The following ST6GAL1 variants were observed in gnomAD, a reference collection of about 807,000 sequenced individuals.
ST6GAL1 encodes the protein ST6 beta-galactoside alpha-2,6-sialyltransferase 1.
ST6GAL1 carries 20 observed loss-of-function variants against 38.0 expected under a neutral mutation model. The observed-to-expected ratio is 0.53, with a 90% CI of 0.37 to 0.77. ST6GAL1 has a LOEUF of 0.77. ST6GAL1 is among the 30% of genes least tolerant of loss of function. ST6GAL1 has a pLI of 0.00. For missense variants in ST6GAL1, 432 were observed against 496.4 expected (o/e 0.87, Z 1.23); for synonymous variants, 196 against 188.2 (o/e 1.04, Z -0.34).
At chr3:187,004,608 T>TA (rs1181725134) in intron 2 of ST6GAL1, among the ~76,000 whole-genome samples, 6 of 152,220 alleles carry the variant, frequency 3.9e-5, no homozygotes, top group Admixed American at 2.6e-4. Flanking sequence ...AATGATGTCC[T>TA]GTTAGCTTAT....
At chr3:187,061,566 G>T (rs548864186) in intron 5 of ST6GAL1, among the ~76,000 whole-genome samples, 3 of 152,162 alleles carry the variant, frequency 2.0e-5, no homozygotes, top group Non-Finnish European at 1.5e-5. Context: ...ATAAAGTCTT[G>T]TATATATGTG....
At chr3:186,949,443 C>T (rs1714502210) in intron 1 of ST6GAL1, among the ~76,000 whole-genome samples, 1 of 152,180 alleles carries the variant, frequency 6.6e-6, no homozygotes. Context: ...GAAGATGATT[C>T]CTGCCAGAGG....
chr3:186,976,817 G>T (rs1237647759), intron 2 of ST6GAL1, among the ~76,000 whole-genome samples: 1 of 152,196 alleles, frequency 6.6e-6, no homozygotes. Flanking sequence ...TGAATGGCTT[G>T]CTTACCTTTG....
In ST6GAL1 at chr3:187,052,405, G is replaced by A. The variant is rs528924314; in HGVS notation, c.705+1059G>A. On this transcript the variant is annotated intron_variant, in intron 5 of 7. Transcript: ENST00000169298. ...GTTGGTTTGCTGCACCCATCAACTCGTCATTTACATTAGGTATTTCTCCTA... is the reference window on the plus strand; with the variant it reads ...GTTGGTTTGCTGCACCCATCAACTCATCATTTACATTAGGTATTTCTCCTA... 4.6e-5 allele frequency among the ~76,000 whole-genome samples: 7 copies of A among 152,154 alleles called. No homozygotes were observed. The East Asian group carries it at 1.2e-3, about 25-fold the overall frequency.
intron 2 of ST6GAL1, among the ~76,000 whole-genome samples, chr3:186,972,008 G>A (rs1403564886): frequency 1.3e-5 from 2 of 152,214 alleles, no homozygotes; most frequent in African/African-American, 4.8e-5. Context: ...AACGAACAAT[G>A]ACAGTGAATG....
chr3:187,045,046 G>C (rs188770418), intron 4 of ST6GAL1, among the ~76,000 whole-genome samples: 47 of 152,282 alleles, frequency 3.1e-4, no homozygotes, highest in African/African-American at 1.1e-3. Flanking sequence ...GAAGGGAAAG[G>C]CCCTTTGTTG....
chr3:187,069,700 T>A (rs564470612), intron 5 of ST6GAL1, among the ~76,000 whole-genome samples: 1 of 152,308 alleles, frequency 6.6e-6, no homozygotes, highest in East Asian at 1.9e-4. Context: ...CATAACCTAC[T>A]GAAGAAATCC....
intron 2 of ST6GAL1, chr3:187,025,519 T>C (rs530953728): frequency 4.6e-5 from 7 of 152,462 alleles, no homozygotes; most frequent in African/African-American, 1.7e-4. Flanking sequence ...AATTGTGTGG[T>C]GAGCATGTGG....
At chr3:186,978,610 C>A (rs951330526) in intron 2 of ST6GAL1, among the ~76,000 whole-genome samples, 1 of 152,232 alleles carries the variant, frequency 6.6e-6, no homozygotes, top group Non-Finnish European at 1.5e-5. Flanking sequence ...CTCTTCACCT[C>A]TTCGTGCTCC....
intron 2 of ST6GAL1, among the ~76,000 whole-genome samples, chr3:186,989,575 G>A (rs73069478): frequency 0.01 from 1,533 of 152,272 alleles, 25 homozygotes; most frequent in African/African-American, 0.031. Context: ...AGAGCATGAA[G>A]CCCTATGCAC....
chr3:186,995,505 C>CAAA (rs200317857), intron 2 of ST6GAL1, among the ~76,000 whole-genome samples: 3 of 26,774 alleles, frequency 1.1e-4, no homozygotes, highest in Admixed American at 4.4e-4. Context: ...GACACCATCT[C>CAAA]AAAAAAAAAA....
At chr3:186,982,332 A>G (rs878881827) in intron 2 of ST6GAL1, among the ~76,000 whole-genome samples, 1 of 152,182 alleles carries the variant, frequency 6.6e-6, no homozygotes, top group Admixed American at 6.5e-5. Context: ...TTCCATGTGG[A>G]TAAGCATGAC....
chr3:186,932,949 A>G lies in ST6GAL1; in HGVS notation c.-325+2115A>G, dbSNP rs550305931. ...GAGTTTCCAGCGTGTTTCACTTTCAATGTGATTCTGGTAGCAACAGGAGGC... is the reference window on the plus strand; with the variant it reads ...GAGTTTCCAGCGTGTTTCACTTTCAGTGTGATTCTGGTAGCAACAGGAGGC... On this transcript the variant is annotated intron_variant, in intron 1 of 7. Transcript: ENST00000169298. 7.2e-5 allele frequency among the ~76,000 whole-genome samples: 11 copies of G among 152,240 alleles called. No homozygotes were observed. The South Asian group carries it at 8.3e-4, about 11-fold the overall frequency.
At chr3:187,062,066 T>A (rs1202899145) in intron 5 of ST6GAL1, among the ~76,000 whole-genome samples, 1 of 152,170 alleles carries the variant, frequency 6.6e-6, no homozygotes, top group African/African-American at 2.4e-5. Context: ...GGCAAAGGAC[T>A]TGAATGGACG....
intron 5 of ST6GAL1, among the ~76,000 whole-genome samples, chr3:187,071,486 A>G (rs1271310908): frequency 6.6e-6 from 1 of 151,342 alleles, no homozygotes; most frequent in Non-Finnish European, 1.5e-5. Context: ...GCGGTGGCTC[A>G]TGCCTGTAAT....
At chr3:186,938,931 TG>T (rs1714061536) in intron 1 of ST6GAL1, among the ~76,000 whole-genome samples, 1 of 152,166 alleles carries the variant, frequency 6.6e-6, no homozygotes, top group Non-Finnish European at 1.5e-5. Context: ...AGCCTGCCTC[TG>T]CTGTCGCAGT....
At chr3:187,048,447 A>G (rs1718383916) in intron 4 of ST6GAL1, among the ~76,000 whole-genome samples, 1 of 152,110 alleles carries the variant, frequency 6.6e-6, no homozygotes, top group African/African-American at 2.4e-5. Flanking sequence ...ACCCTTCCCA[A>G]GGCTGGCCAT....
rs568309341 is a variant in ST6GAL1, at chr3:187,077,706, T to C, written c.*1903T>C. On this transcript the variant is annotated 3_prime_UTR_variant, in exon 8 of 8. Coordinates refer to ENST00000169298, the MANE Select transcript of ST6GAL1 (RefSeq NM_173216.2). ...TCTGTACCTGGCACGTAGTAGGTGC[T>C]CAGTTCATGCTGGTTTCCTTCCTGC... 8.9e-4 allele frequency: 136 copies of C among 152,314 alleles called. No individual in the cohort carries two copies. Among genetic ancestry groups the C allele is most frequent in the Non-Finnish European group, 1.7e-3 (119 of 68,148 alleles). 9.4% of individuals were successfully genotyped at this position (152,314 alleles called of 1,614,324 possible).
At position 187,042,748 on chromosome 3, in the gene ST6GAL1, G is replaced by A; in HGVS notation, c.45G>A (p.Leu15=). 2.5e-6 allele frequency: 4 copies of A among 1,613,980 alleles called. No individual in the cohort carries two copies. The highest frequency in any genetic ancestry group is 2.5e-6 in the Non-Finnish European group (3 of 1,179,950). ...AGAAAAAGTTCAGCTGCTGCGTCCTGGTCTTTCTTCTGTTTGCAGTCATCT... is the reference window on the plus strand; with the variant it reads ...AGAAAAAGTTCAGCTGCTGCGTCCTAGTCTTTCTTCTGTTTGCAGTCATCT... ...NLKKKFSCCV[L]VFLLFAVICV... is the part of the protein sequence containing the mutation. The change falls in exon 4 of 8, where the codon CTG becomes CTA. Residue 15 remains leucine, a synonymous_variant. Coordinates refer to ENST00000169298, the MANE Select transcript of ST6GAL1 (RefSeq NM_173216.2).
Sources: allele counts gnomAD v4.1 joint callset (sites outside exome capture counted in the v4.1 genomes callset), GRCh38; gene constraint gnomAD v4.1.1; transcripts MANE v1.5; gene names NCBI Gene and HGNC (gene_info 2026-07-23, HGNC 2026-07-21).